The following CCL17 variants were observed in gnomAD, a reference collection of about 807,000 sequenced individuals.
CCL17 encodes C-C motif chemokine 17.
A neutral mutation model predicts 7.4 loss-of-function variants in CCL17; 8 were observed. The observed-to-expected ratio is 1.09, with a 90% CI of 0.64 to 1.96. The LOEUF (loss-of-function observed/expected upper bound fraction) is 1.96, where lower values mean the gene tolerates loss of function less well. CCL17 is among the 30% of genes most tolerant of loss of function. CCL17 has a pLI of 0.00. For synonymous variants in CCL17, 40 were observed against 46.1 expected (o/e 0.87, Z 0.54); for missense variants, 102 against 113.0 (o/e 0.90, Z 0.44).
chr16:57,399,966 G>A (rs1216248855), upstream of CCL17, among the ~76,000 whole-genome samples: 1 of 152,124 alleles, frequency 6.6e-6, no homozygotes, highest in Non-Finnish European at 1.5e-5. Flanking sequence ...TTAATCGAGT[G>A]CTGCAACCAA....
At position 57,415,975 on chromosome 16, in the gene CCL17, G is replaced by C. The variant is rs1297170664; in HGVS notation, c.*114G>C. The C allele has an allele frequency of 4.5e-6, 3 of 671,410 alleles. No homozygotes were observed. The highest frequency in any genetic ancestry group is 8.1e-6 in the Non-Finnish European group (3 of 369,706). 41.6% of individuals were successfully genotyped at this position (671,410 alleles called of 1,614,324 possible). On this transcript the variant is annotated 3_prime_UTR_variant, in exon 4 of 4. Transcript: ENST00000219244. The surrounding 1 kb of genome is among the most constrained non-coding windows in gnomAD (Gnocchi z 4.5). Reference sequence around the variant, plus strand: ...GGTCCAGGGGAGGCCTTCCAGGGACGAAGAAGAGCCACAGTGAGGGAGATC... The same window carrying C: ...GGTCCAGGGGAGGCCTTCCAGGGACCAAGAAGAGCCACAGTGAGGGAGATC...
intron 2 of CCL17, among the ~76,000 whole-genome samples, chr16:57,414,674 G>A (rs1199946009): frequency 2.6e-5 from 4 of 152,068 alleles, no homozygotes; most frequent in African/African-American, 9.7e-5. Context: ...TGGGATTACA[G>A]GCATGAGCCA....
chr16:57,412,281 C>T (rs542372577), intron 1 of CCL17, among the ~76,000 whole-genome samples: 4 of 152,262 alleles, frequency 2.6e-5, no homozygotes, highest in Non-Finnish European at 4.4e-5. Context: ...CTCCCAGGTG[C>T]GGAAGCAGCC....
intron 1 of CCL17, among the ~76,000 whole-genome samples, chr16:57,408,474 CA>C (rs1190367399): frequency 6.6e-6 from 1 of 152,086 alleles, no homozygotes; most frequent in Admixed American, 6.6e-5. Flanking sequence ...TGCAGTGGTA[CA>C]ATCATGGCTC....
chr16:57,405,860 C>G (rs1285419141), intron 1 of CCL17, among the ~76,000 whole-genome samples: 1 of 143,794 alleles, frequency 7.0e-6, no homozygotes, highest in Non-Finnish European at 1.5e-5. Context: ...GGTGAAACCC[C>G]GTCTCTACTA....
upstream of CCL17, among the ~76,000 whole-genome samples, chr16:57,402,930 G>C (rs1220521579): frequency 6.7e-5 from 10 of 149,352 alleles, no homozygotes; most frequent in African/African-American, 2.0e-4. Flanking sequence ...CCAGTAGGAT[G>C]GGGGTGGGGG....
At chr16:57,399,659 A>C in the CCL17 span, among the ~76,000 whole-genome samples, 4,093 of 152,200 alleles carry the variant, frequency 0.027, 83 homozygotes, top group South Asian at 0.086. Flanking sequence ...CATGTTGGCC[A>C]GGCTGGTCTT....
At chr16:57,411,238 C>A (rs1902780270) in intron 1 of CCL17, among the ~76,000 whole-genome samples, 1 of 152,154 alleles carries the variant, frequency 6.6e-6, no homozygotes, top group African/African-American at 2.4e-5. Context: ...AGGGCCTGTT[C>A]CCCCGCCCTT....
upstream of CCL17, among the ~76,000 whole-genome samples, chr16:57,403,951 C>T (rs900553258): frequency 6.6e-6 from 1 of 151,868 alleles, no homozygotes; most frequent in Non-Finnish European, 1.5e-5. Flanking sequence ...GCCACCACGC[C>T]CGGCCTAAAA....
chr16:57,410,269 G>A (rs1902763087), intron 1 of CCL17, among the ~76,000 whole-genome samples: 1 of 152,206 alleles, frequency 6.6e-6, no homozygotes, highest in African/African-American at 2.4e-5. Context: ...GCCTGGCCCA[G>A]TGCCCTCTGG....
At chr16:57,399,596 G>A in the CCL17 span, among the ~76,000 whole-genome samples, 2 of 152,248 alleles carry the variant, frequency 1.3e-5, no homozygotes, top group East Asian at 3.9e-4. Flanking sequence ...GACTACAGGT[G>A]TGTGCCACCT....
intron 1 of CCL17, among the ~76,000 whole-genome samples, 174 bp from the exon 2 acceptor site, chr16:57,413,700 T>G (rs1195645527): frequency 6.6e-6 from 1 of 152,176 alleles, no homozygotes; most frequent in Non-Finnish European, 1.5e-5. Context: ...TGTCTCCAGT[T>G]GAGTGCCCAT....
In CCL17 at chr16:57,416,037, G is replaced by T; in HGVS notation, c.*176G>T. 1.7e-6 allele frequency: 1 copy of T among 585,674 alleles called. No homozygotes were observed. The highest frequency in any genetic ancestry group is 3.1e-6 in the Non-Finnish European group (1 of 325,704). The allele number at this position is 585,674 out of a possible 1,614,324, so 36.3% of individuals were successfully genotyped here. A position where few individuals can be genotyped will look rare whatever the true frequency, so the allele number is the denominator to read the frequency against. ...TCTGAACTGGAGCCATGGGCACAAA[G>T]GGCCCAGATTAAAGTCTTTATCCTC... On this transcript the variant is annotated 3_prime_UTR_variant, in exon 4 of 4. Coordinates refer to ENST00000219244, the MANE Select transcript of CCL17 (RefSeq NM_002987.3).
intron 1 of CCL17, among the ~76,000 whole-genome samples, chr16:57,413,226 T>C (rs1443132221): frequency 1.3e-5 from 2 of 152,240 alleles, no homozygotes; most frequent in Non-Finnish European, 2.9e-5. Context: ...TCTTGCCTCC[T>C]GTGGTCAGGG....
upstream of CCL17, among the ~76,000 whole-genome samples, chr16:57,404,033 C>G (rs769044150): frequency 6.6e-6 from 1 of 152,076 alleles, no homozygotes; most frequent in Non-Finnish European, 1.5e-5. Flanking sequence ...AAGAACAGTC[C>G]GTGCAAACCT....
At chr16:57,413,817 C>G in intron 1 of CCL17, 57 bp from the exon 2 acceptor site, 1 of 734,926 alleles carries the variant, frequency 1.4e-6, no homozygotes, top group Non-Finnish European at 2.2e-6. Context: ...GACAGAGGGG[C>G]GGGGCAAGAC....
At chr16:57,406,937 G>C (rs1211847837) in intron 1 of CCL17, among the ~76,000 whole-genome samples, 1 of 152,174 alleles carries the variant, frequency 6.6e-6, no homozygotes, top group Non-Finnish European at 1.5e-5. Context: ...TTCAGGGAGT[G>C]GCTGGAGGGG....
chr16:57,404,348 G>T (rs770446452), upstream of CCL17, among the ~76,000 whole-genome samples: 5 of 152,192 alleles, frequency 3.3e-5, no homozygotes, highest in Non-Finnish European at 7.3e-5. Flanking sequence ...GCCAGGGATT[G>T]ATGCTGGTTT....
chr16:57,403,503 T>A (rs111259337), upstream of CCL17, among the ~76,000 whole-genome samples: 1 of 24,798 alleles, frequency 4.0e-5, no homozygotes, highest in African/African-American at 3.3e-4. Flanking sequence ...TATATTATAA[T>A]ATATATATTA....
Sources: allele counts gnomAD v4.1 joint callset (sites outside exome capture counted in the v4.1 genomes callset), GRCh38; gene constraint gnomAD v4.1.1; non-coding constraint Gnocchi (gnomAD v3.1); transcripts MANE v1.5; gene names NCBI Gene and HGNC (gene_info 2026-07-23, HGNC 2026-07-21).